SMAD1: variants seen among roughly 807,000 people sequenced by gnomAD.
The protein encoded by SMAD1 is SMAD family member 1.
SMAD1 carries 6 observed loss-of-function variants against 41.6 expected under a neutral mutation model. That is an observed-to-expected ratio of 0.14 (90% CI 0.08 to 0.28). The LOEUF (loss-of-function observed/expected upper bound fraction) is 0.28, where lower values mean the gene tolerates loss of function less well. SMAD1 is among the 10% of genes least tolerant of loss of function. The pLI is 1.00. For synonymous variants in SMAD1, 206 were observed against 203.2 expected (o/e 1.01, Z -0.12); for missense variants, 379 against 582.6 (o/e 0.65, Z 3.60).
At chr4:145,555,771 GAAGT>G (rs1732804456) in intron 6 of SMAD1, among the ~76,000 whole-genome samples, 1 of 152,028 alleles carries the variant, frequency 6.6e-6, no homozygotes, top group South Asian at 2.1e-4. Flanking sequence ...CTATTTCAGA[GAAGT>G]AATACAAAGA....
At position 145,514,109 on chromosome 4, in the gene SMAD1, A is replaced by G. The variant is rs940073322; in HGVS notation, c.-176-329A>G. Among the ~76,000 whole-genome samples, 6 of 152,196 alleles carry G rather than the reference A, an allele frequency of 3.9e-5. No homozygotes were observed. The highest frequency in any genetic ancestry group is 5.9e-5 in the Non-Finnish European group (4 of 68,024). On this transcript the variant is annotated intron_variant, in intron 1 of 6. Transcript: ENST00000302085. This position sits in a 1 kb window ranked among gnomAD's most constrained non-coding sequence, Gnocchi z 4.7. ...GGTGAGGGCTCTCTTCCTGGCTTGC[A>G]GATGATCACCTTCTTGCAGTACCCT... is the stretch of plus-strand genomic sequence containing the variant.
At chr4:145,533,518 T>A (rs367937530) in intron 2 of SMAD1, among the ~76,000 whole-genome samples, 30 of 152,142 alleles carry the variant, frequency 2.0e-4, no homozygotes, top group African/African-American at 7.2e-4. Flanking sequence ...AGACCCTGTC[T>A]CTACAAAAAA....
intron 1 of SMAD1, among the ~76,000 whole-genome samples, chr4:145,508,018 AG>A (rs1481232191): frequency 6.6e-6 from 1 of 150,898 alleles, no homozygotes; most frequent in Non-Finnish European, 1.5e-5. Flanking sequence ...AATTTTCGTG[AG>A]TGGCCTCAAG....
intron 5 of SMAD1, among the ~76,000 whole-genome samples, chr4:145,547,615 A>G (rs961624220): frequency 4.6e-5 from 7 of 152,218 alleles, no homozygotes; most frequent in African/African-American, 1.7e-4. Context: ...TCATAGCAGT[A>G]TGAGTGAAAC....
intron 2 of SMAD1, among the ~76,000 whole-genome samples, chr4:145,519,567 T>C (rs1309230758): frequency 6.6e-6 from 1 of 150,462 alleles, no homozygotes; most frequent in East Asian, 1.9e-4. Context: ...ATCAGGAGGA[T>C]CACTTGAGCC....
In SMAD1 at chr4:145,542,813, GT is replaced by G. The variant is rs1249013783; in HGVS notation, c.775+116del. On this transcript the variant is annotated intron_variant, in intron 4 of 6. Coordinates refer to ENST00000302085, the MANE Select transcript of SMAD1 (RefSeq NM_005900.3). Reference sequence around the variant, plus strand: ...AAGAGAGCTACTTGAGAAAAATAGAGTCCAATGTTAAGAGAAGCTCACTACA... The same window carrying G: ...AAGAGAGCTACTTGAGAAAAATAGAGCCAATGTTAAGAGAAGCTCACTACA... The G allele has an allele frequency of 1.2e-5, 8 of 681,534 alleles. No individual in the cohort carries two copies. The East Asian group carries it at 1.9e-4, about 16-fold the overall frequency. 42.2% of individuals were successfully genotyped at this position (681,534 alleles called of 1,614,324 possible). A position where few individuals can be genotyped will look rare whatever the true frequency, so the allele number is the denominator to read the frequency against.
chr4:145,487,361 G>GA (rs936509627), intron 1 of SMAD1, among the ~76,000 whole-genome samples: 4 of 152,106 alleles, frequency 2.6e-5, no homozygotes, highest in Non-Finnish European at 5.9e-5. Flanking sequence ...TAAAAAAGTG[G>GA]AAAAAATCGG....
At chr4:145,481,790 C>T (rs1728187401), upstream of SMAD1, 1 of 190,400 alleles carries the variant, frequency 5.3e-6, no homozygotes, top group Admixed American at 5.6e-5. Flanking sequence ...GGCGAGTGCG[C>T]CGGGTATTGG....
intron 2 of SMAD1, among the ~76,000 whole-genome samples, chr4:145,522,176 T>G (rs918163760): frequency 6.6e-6 from 1 of 151,452 alleles, no homozygotes. Flanking sequence ...GGCGGGCGCC[T>G]GTAGTCCCAG....
chr4:145,518,153 G>C (rs1033083109), intron 2 of SMAD1, among the ~76,000 whole-genome samples: 1 of 126,124 alleles, frequency 7.9e-6, no homozygotes, highest in African/African-American at 2.5e-5. Context: ...TGTAGTCTCA[G>C]CTACTCAGGA....
At chr4:145,527,381 G>A (rs543826380) in intron 2 of SMAD1, among the ~76,000 whole-genome samples, 5 of 151,964 alleles carry the variant, frequency 3.3e-5, no homozygotes, top group South Asian at 4.2e-4. Context: ...CCGCCACTAC[G>A]CCCAGCCAAT....
At chr4:145,487,774 A>G (rs530767613) in intron 1 of SMAD1, among the ~76,000 whole-genome samples, 1 of 152,344 alleles carries the variant, frequency 6.6e-6, no homozygotes, top group East Asian at 1.9e-4. Flanking sequence ...GGCTAGTCCT[A>G]TATGCAAAAC....
At chr4:145,485,024 G>C (rs1183262257) in intron 1 of SMAD1, among the ~76,000 whole-genome samples, 1 of 152,038 alleles carries the variant, frequency 6.6e-6, no homozygotes, top group Non-Finnish European at 1.5e-5. Flanking sequence ...ATTATCTAGG[G>C]CTCTGCTATC....
At chr4:145,523,116 G>A (rs185496535) in intron 2 of SMAD1, among the ~76,000 whole-genome samples, 23 of 152,330 alleles carry the variant, frequency 1.5e-4, no homozygotes, top group Non-Finnish European at 2.9e-4. Context: ...TATGCCGTGT[G>A]TTCCTGCGTG....
rs138050220 is a variant in SMAD1, at chr4:145,541,489, C to T, written c.659-1093C>T. Among the ~76,000 whole-genome samples the T allele has an allele frequency of 2.3e-3, 351 of 152,216 alleles. 3 individuals carry two copies. The highest frequency in any genetic ancestry group is 0.017 in the South Asian group (84 of 4,826). ...CTGGCTTGAGATAAAGCCGAGTCAG[C>T]CTTACAGCTGCAGAGAAGAGGCTGA... is the stretch of plus-strand genomic sequence containing the variant. On this transcript the variant is annotated intron_variant, in intron 3 of 6. Coordinates refer to ENST00000302085, the MANE Select transcript of SMAD1 (RefSeq NM_005900.3).
intron 5 of SMAD1, 38 bp from the exon 6 acceptor site, chr4:145,553,746 T>G: frequency 6.3e-7 from 1 of 1,590,972 alleles, no homozygotes; most frequent in Non-Finnish European, 8.6e-7. Context: ...GCTGTAAAAA[T>G]TAATAATAAC....
At chr4:145,494,857 A>G (rs1196610359) in intron 1 of SMAD1, among the ~76,000 whole-genome samples, 13 of 152,112 alleles carry the variant, frequency 8.5e-5, no homozygotes. Context: ...CACACCAGTT[A>G]AGTTCTGAGG....
chr4:145,557,903 C>T lies in SMAD1; in HGVS notation c.1367C>T (p.Ser456Leu), dbSNP rs1732935212. ...GATAAAGTTCTTACTCAAATGGGTT[C>T]ACCTCATAATCCTATTTCATCTGTA... is the stretch of plus-strand genomic sequence containing the variant. ...WLDKVLTQMG[S>L]PHNPISSVS Residue 456 changes from serine (S) to leucine (L), a missense_variant, in exon 7 of 7, where the codon TCA becomes TTA. By Grantham distance (145) the Ser-to-Leu change is moderately radical. Around this residue, in one of 3 missense-constraint regions of SMAD1, gnomAD observed 107 missense variants for 218.3 expected, o/e 0.49. Transcript: ENST00000302085. 6.2e-7 allele frequency: 1 copy of T among 1,611,852 alleles called. No homozygotes were observed. Among genetic ancestry groups the T allele is most frequent in the African/African-American group, 1.3e-5 (1 of 74,858 alleles).
chr4:145,488,437 T>C (rs1175502264), intron 1 of SMAD1, among the ~76,000 whole-genome samples: 1 of 152,070 alleles, frequency 6.6e-6, no homozygotes, highest in African/African-American at 2.4e-5. Flanking sequence ...TAGGGTATAG[T>C]TACTCCAACT....
Sources: allele counts gnomAD v4.1 joint callset (sites outside exome capture counted in the v4.1 genomes callset), GRCh38; gene constraint gnomAD v4.1.1; regional missense constraint gnomAD v4.1.1; non-coding constraint Gnocchi (gnomAD v3.1); transcripts MANE v1.5; gene names NCBI Gene and HGNC (gene_info 2026-07-23, HGNC 2026-07-21).